Variants in SLAMF9 observed in about 807,000 individuals in gnomAD.
SLAMF9 encodes the protein CD2 family member 10.
A neutral mutation model predicts 30.4 loss-of-function variants in SLAMF9; 25 were observed. That is an observed-to-expected ratio of 0.82 (90% CI 0.60 to 1.15). SLAMF9 has a LOEUF of 1.15. SLAMF9 is among the 50% of genes most tolerant of loss of function. SLAMF9 has a pLI of 0.00. For missense variants in SLAMF9, 344 were observed against 346.1 expected (o/e 0.99, Z 0.05); for synonymous variants, 129 against 127.2 (o/e 1.01, Z -0.09).
intron 2 of SLAMF9, among the ~76,000 whole-genome samples, chr1:159,952,868 A>C (rs1029611709): frequency 6.6e-6 from 1 of 152,232 alleles, no homozygotes; most frequent in Non-Finnish European, 1.5e-5. Flanking sequence ...TTTACATTTT[A>C]ATCAGTGTCC....
chr1:159,967,329 C>A, the SLAMF9 span, among the ~76,000 whole-genome samples: 5 of 152,168 alleles, frequency 3.3e-5, no homozygotes, highest in Admixed American at 6.5e-5. Flanking sequence ...GATCTAATTT[C>A]ATTCTTCTGA....
chr1:159,969,000 C>T, the SLAMF9 span, among the ~76,000 whole-genome samples: 14 of 151,922 alleles, frequency 9.2e-5, no homozygotes, highest in African/African-American at 3.1e-4. Context: ...TGAGATTGTG[C>T]CACTGGACTC....
At chr1:159,952,578 TC>T (rs776966652) in intron 2 of SLAMF9, 44 bp from the exon 3 acceptor site, 128 of 1,598,356 alleles carry the variant, frequency 8.0e-5, no homozygotes, top group Non-Finnish European at 1.0e-4. Context: ...CAATCAGGGA[TC>T]GGGTCTGTTT....
upstream of SLAMF9, chr1:159,954,308 C>A (rs1057484710): frequency 9.1e-6 from 5 of 550,364 alleles, no homozygotes; most frequent in African/African-American, 9.6e-5. Flanking sequence ...CCTCACTAAG[C>A]CCCTCCCTAT....
At chr1:159,972,211 C>A in the SLAMF9 span, among the ~76,000 whole-genome samples, 1 of 152,184 alleles carries the variant, frequency 6.6e-6, no homozygotes, top group African/African-American at 2.4e-5. Flanking sequence ...AGCTCTGGCC[C>A]CCGCCTCGCC....
the SLAMF9 span, among the ~76,000 whole-genome samples, chr1:159,972,129 G>A: frequency 6.6e-6 from 1 of 152,032 alleles, no homozygotes; most frequent in African/African-American, 2.4e-5. Context: ...GCTCCTGTAG[G>A]TCTCCCAAGC....
chr1:159,959,718 G>C, the SLAMF9 span, among the ~76,000 whole-genome samples: 1 of 152,112 alleles, frequency 6.6e-6, no homozygotes, highest in Non-Finnish European at 1.5e-5. Context: ...GGGAAGAGGT[G>C]TGGACTCACA....
the SLAMF9 span, among the ~76,000 whole-genome samples, chr1:159,966,744 T>C: frequency 6.6e-6 from 1 of 152,234 alleles, no homozygotes; most frequent in African/African-American, 2.4e-5. Flanking sequence ...AATGAACCTG[T>C]TAGCCATTTG....
At position 159,953,313 on chromosome 1, in the gene SLAMF9, G is replaced by C; in HGVS notation, c.387C>G (p.Val129=). 3 of 1,595,544 alleles carry C rather than the reference G, an allele frequency of 1.9e-6. No homozygotes were observed. Among genetic ancestry groups the C allele is most frequent in the Non-Finnish European group, 2.6e-6 (3 of 1,164,604 alleles). Residue 129 remains valine, a synonymous_variant, in exon 2 of 4, where the codon GTC becomes GTG. Coordinates refer to ENST00000368093, the MANE Select transcript of SLAMF9 (RefSeq NM_033438.4). ...TGGTTCCCAGCCTAAACTCACGGTA[G>C]ACACATATATTGTACTGCTGCATGG... ...ISTMQQYNIC[V]YRWLSEPQIT... is the part of the protein sequence containing the mutation.
At chr1:159,964,852 T>C in the SLAMF9 span, among the ~76,000 whole-genome samples, 1 of 152,200 alleles carries the variant, frequency 6.6e-6, no homozygotes, top group Non-Finnish European at 1.5e-5. Flanking sequence ...TTAATTTGTA[T>C]TTGAGACTGG....
At chr1:159,972,213 C>T in the SLAMF9 span, among the ~76,000 whole-genome samples, 7 of 152,182 alleles carry the variant, frequency 4.6e-5, no homozygotes, top group African/African-American at 1.7e-4. Context: ...CTCTGGCCCC[C>T]GCCTCGCCCC....
upstream of SLAMF9, among the ~76,000 whole-genome samples, chr1:159,957,560 G>A (rs1292927855): frequency 6.6e-6 from 1 of 152,106 alleles, no homozygotes; most frequent in Non-Finnish European, 1.5e-5. Context: ...GGAGGCGGAG[G>A]TTGCAGTCAG....
chr1:159,975,825 G>C, the SLAMF9 span, among the ~76,000 whole-genome samples: 1 of 152,292 alleles, frequency 6.6e-6, no homozygotes, highest in African/African-American at 2.4e-5. Flanking sequence ...AGGGGCAAAA[G>C]AGAGGGAGGA....
the SLAMF9 span, among the ~76,000 whole-genome samples, chr1:159,960,882 C>G: frequency 1.3e-5 from 2 of 152,218 alleles, no homozygotes; most frequent in Non-Finnish European, 2.9e-5. Flanking sequence ...TCCAGCCTCC[C>G]TGCCCTATTC....
chr1:159,970,497 C>G, the SLAMF9 span, among the ~76,000 whole-genome samples: 1 of 152,218 alleles, frequency 6.6e-6, no homozygotes, highest in Non-Finnish European at 1.5e-5. Context: ...TTACAGTAGA[C>G]TTTATTGTCC....
At chr1:159,976,965 A>AGAAAGAAAGAAAGAAAGAAAGAAG in the SLAMF9 span, 4 of 51,140 alleles carry the variant, frequency 7.8e-5, no homozygotes, top group African/African-American at 1.3e-4. Context: ...AGAAAGAGAA[A>AGAAAGAAAGAAAGAAAGAAAGAAG]GAAAGAAGGA....
At chr1:159,966,819 C>T in the SLAMF9 span, among the ~76,000 whole-genome samples, 1 of 152,160 alleles carries the variant, frequency 6.6e-6, no homozygotes, top group East Asian at 1.9e-4. Flanking sequence ...TACTTGTTTT[C>T]TTGCTAATGA....
At chr1:159,977,959 T>C in the SLAMF9 span, among the ~76,000 whole-genome samples, 1,051 of 152,282 alleles carry the variant, frequency 6.9e-3, 11 homozygotes, top group African/African-American at 0.024. Context: ...AAGGACCTCC[T>C]GACAGAAAGA....
At chr1:159,980,522 C>T in the SLAMF9 span, 1 of 152,194 alleles carries the variant, frequency 6.6e-6, no homozygotes, top group Non-Finnish European at 1.5e-5. Context: ...GAGCTCAGCC[C>T]TATTTAATGC....
Sources: allele counts gnomAD v4.1 joint callset (sites outside exome capture counted in the v4.1 genomes callset), GRCh38; gene constraint gnomAD v4.1.1; transcripts MANE v1.5; gene names NCBI Gene and HGNC (gene_info 2026-07-23, HGNC 2026-07-21).